TANC2: variants seen among roughly 807,000 people sequenced by gnomAD.
TANC2 encodes the protein tetratricopeptide repeat, ankyrin repeat and coiled-coil containing 2, also known as protein TANC2.
A neutral mutation model predicts 210.5 loss-of-function variants in TANC2; 26 were observed. The observed-to-expected ratio is 0.12, with a 90% confidence interval of 0.09 to 0.17. TANC2 has a LOEUF of 0.17. Ranked by LOEUF, TANC2 falls within the 10% of genes least tolerant of loss-of-function variation. The pLI is 1.00. For missense variants in TANC2, 2,129 were observed against 2,608.9 expected (o/e 0.82, Z 4.01); for synonymous variants, 931 against 967.1 (o/e 0.96, Z 0.69).
At chr17:63,285,413 G>T (rs1373000575) in intron 9 of TANC2, among the ~76,000 whole-genome samples, 1 of 151,978 alleles carries the variant, frequency 6.6e-6, no homozygotes, top group Non-Finnish European at 1.5e-5. Context: ...TACTATGTAG[G>T]TTTAACTTAT....
At position 63,382,237 on chromosome 17, in the gene TANC2, G is replaced by A. The variant is rs141627783; in HGVS notation, c.2691+2411G>A. Among the ~76,000 whole-genome samples the A allele has an allele frequency of 5.3e-5, 8 of 152,292 alleles. No homozygotes were observed. The East Asian group carries it at 1.3e-3, about 26-fold the overall frequency. On this transcript the variant is annotated intron_variant, in intron 15 of 27. Transcript: ENST00000689528. Reference sequence around the variant, plus strand: ...TCAGTGCGGTTCTCAGTGCTGCTTTGTGGTCCATTTACTGGACCATTTAGT... The same window carrying A: ...TCAGTGCGGTTCTCAGTGCTGCTTTATGGTCCATTTACTGGACCATTTAGT...
intron 17 of TANC2, among the ~76,000 whole-genome samples, chr17:63,392,571 TAACA>T (rs1259974840): frequency 1.3e-5 from 2 of 152,168 alleles, no homozygotes; most frequent in African/African-American, 4.8e-5. Context: ...TCTTCTTGTG[TAACA>T]AACCCGTTTT....
intron 3 of TANC2, among the ~76,000 whole-genome samples, chr17:63,091,170 C>G (rs967734909): frequency 7.1e-6 from 1 of 139,918 alleles, no homozygotes; most frequent in East Asian, 2.1e-4. Flanking sequence ...TGCCTGTTCA[C>G]TCTGATAGTG....
At chr17:63,284,316 T>C (rs1160114772) in intron 9 of TANC2, among the ~76,000 whole-genome samples, 3 of 152,030 alleles carry the variant, frequency 2.0e-5, no homozygotes, top group South Asian at 2.1e-4. Flanking sequence ...CTTTTTAATA[T>C]ATTGATGGAT....
Position 63,348,775 on chromosome 17 carries a change from C to A in TANC2, c.1808-2475C>A, listed in dbSNP as rs541125485. 3.9e-5 allele frequency among the ~76,000 whole-genome samples: 6 copies of A among 152,178 alleles called. No individual in the cohort carries two copies. The South Asian group carries it at 1.2e-3, about 32-fold the overall frequency. ...TAAGCTACTGATTTAAAGTACTACTCTAAATATCTACAGAAATTTGAATGA... is the reference window on the plus strand; with the variant it reads ...TAAGCTACTGATTTAAAGTACTACTATAAATATCTACAGAAATTTGAATGA... On this transcript the variant is annotated intron_variant, in intron 12 of 27. Transcript: ENST00000689528.
In TANC2 at chr17:63,020,116, C is replaced by T. The variant is rs575664271; in HGVS notation, c.67+10490C>T. On this transcript the variant is annotated intron_variant, in intron 2 of 27. Transcript: ENST00000689528. ...TAATTTTTTATATTTTCAGTAGAGA[C>T]GGGGTTTCACCATTTTGACCAGGCT... is the stretch of plus-strand genomic sequence containing the variant. Among the ~76,000 whole-genome samples the T allele has an allele frequency of 8.5e-5, 13 of 152,184 alleles. No homozygotes were observed. In the East Asian group the frequency reaches 9.7e-4, roughly 11 times the overall value.
At chr17:63,227,245 C>T (rs1291672987) in intron 7 of TANC2, among the ~76,000 whole-genome samples, 2 of 152,136 alleles carry the variant, frequency 1.3e-5, no homozygotes, top group Non-Finnish European at 2.9e-5. Flanking sequence ...CCTGTTTCTG[C>T]ACAGCCTTGC....
At chr17:63,284,618 T>C (rs1324972295) in intron 9 of TANC2, among the ~76,000 whole-genome samples, 1 of 152,112 alleles carries the variant, frequency 6.6e-6, no homozygotes, top group Admixed American at 6.5e-5. Flanking sequence ...ACATGCTTTG[T>C]ATGACATGAT....
intron 10 of TANC2, among the ~76,000 whole-genome samples, chr17:63,317,950 G>A (rs1428692596): frequency 2.0e-5 from 3 of 152,168 alleles, no homozygotes; most frequent in African/African-American, 7.2e-5. Context: ...AAATAATACA[G>A]TAACATACAA....
intron 3 of TANC2, among the ~76,000 whole-genome samples, chr17:63,079,109 C>T (rs1279259474): frequency 6.6e-6 from 1 of 152,160 alleles, no homozygotes; most frequent in Non-Finnish European, 1.5e-5. Context: ...TCAGCTATAG[C>T]TGCTGGTTGT....
At chr17:63,046,988 T>G (rs2035408258) in intron 2 of TANC2, among the ~76,000 whole-genome samples, 1 of 152,178 alleles carries the variant, frequency 6.6e-6, no homozygotes, top group African/African-American at 2.4e-5. Context: ...TGATTTTTAG[T>G]CTATCAGTAG....
At chr17:63,149,469 A>T (rs182098093) in intron 4 of TANC2, 5 of 152,068 alleles carry the variant, frequency 3.3e-5, no homozygotes, top group African/African-American at 1.2e-4. Flanking sequence ...TGTTTTTAAG[A>T]TTTTAAGATA....
intron 7 of TANC2, among the ~76,000 whole-genome samples, chr17:63,209,453 A>G (rs751909769): frequency 3.0e-4 from 45 of 150,866 alleles, no homozygotes; most frequent in Non-Finnish European, 5.2e-4. Flanking sequence ...GTTTGTTTTG[A>G]GATGGAGTCT....
intron 10 of TANC2, among the ~76,000 whole-genome samples, chr17:63,317,739 A>T (rs907529474): frequency 6.6e-6 from 1 of 152,208 alleles, no homozygotes; most frequent in East Asian, 1.9e-4. Context: ...CACATTGACT[A>T]TTGCCTACCT....
chr17:63,367,918 ACT>A (rs1373460033), intron 14 of TANC2, among the ~76,000 whole-genome samples: 7 of 152,174 alleles, frequency 4.6e-5, no homozygotes, highest in African/African-American at 7.2e-5. Flanking sequence ...AGATCTGATA[ACT>A]CTGGTGATGT....
chr17:63,419,663 T>C (rs1379937031), intron 27 of TANC2, among the ~76,000 whole-genome samples: 1 of 152,174 alleles, frequency 6.6e-6, no homozygotes. Flanking sequence ...ACCCTGTAAA[T>C]GACAACCCCA....
intron 3 of TANC2, among the ~76,000 whole-genome samples, chr17:63,084,915 C>G (rs9903318): frequency 0.04 from 6,120 of 152,154 alleles, 429 homozygotes; most frequent in African/African-American, 0.14. Context: ...TTGTAATGAA[C>G]ATTCCATGTG....
Position 63,412,799 on chromosome 17 carries a change from TACACCTCTAA to T in TANC2, c.3928+91_3928+100del. ...TTTGGTTTAGCCTGCATGAGTTCCC[TACACCTCTAA>T]TCTTTTAATTTACTTCACCTTAAAA... is the stretch of plus-strand genomic sequence containing the variant. On this transcript the variant is annotated intron_variant, in intron 24 of 27. Coordinates refer to ENST00000689528, the Ensembl canonical transcript of TANC2. The surrounding 1 kb of genome is among the most constrained non-coding windows in gnomAD (Gnocchi z 4.2). 2 of 1,422,762 alleles carry T rather than the reference TACACCTCTAA, an allele frequency of 1.4e-6. No homozygotes were observed. The highest frequency in any genetic ancestry group is 9.4e-7 in the Non-Finnish European group (1 of 1,063,110). 88.1% of individuals were successfully genotyped at this position (1,422,762 alleles called of 1,614,324 possible).
At chr17:63,339,808 A>AT (rs1484221496) in intron 11 of TANC2, among the ~76,000 whole-genome samples, 5 of 152,062 alleles carry the variant, frequency 3.3e-5, no homozygotes, top group Non-Finnish European at 5.9e-5. Context: ...CTTGCTTCCT[A>AT]TTTCTTGTAA....
Sources: gnomAD v4.1 joint callset for allele counts (sites outside exome capture counted in the v4.1 genomes callset) on GRCh38, gnomAD v4.1.1 for gene constraint, Gnocchi (gnomAD v3.1) non-coding constraint, MANE v1.5 for transcripts, NCBI Gene and HGNC (gene_info 2026-07-23, HGNC 2026-07-21) for gene names.